ELAVL4: variants seen among roughly 807,000 people sequenced by gnomAD.
The protein encoded by ELAVL4 is ELAV like RNA binding protein 4.
Under a neutral mutation model 35.6 loss-of-function variants are expected in ELAVL4, and 1 was observed. The ratio of observed to expected loss-of-function variants is 0.03; its 90% CI spans 0.01 to 0.13. ELAVL4 has a LOEUF of 0.13. Ranked by LOEUF, ELAVL4 falls within the 10% of genes least tolerant of loss-of-function variation. The pLI, the probability that ELAVL4 is intolerant of heterozygous loss-of-function variation, is 1.00. For synonymous variants in ELAVL4, 156 were observed against 171.0 expected, an observed-to-expected ratio of 0.91 and a Z score of 0.69; for missense variants, 267 against 464.9, an observed-to-expected ratio of 0.57 and a Z score of 3.91.
intron 1 of ELAVL4, among the ~76,000 whole-genome samples, chr1:50,070,876 T>C (rs552700074): frequency 1.3e-5 from 2 of 152,226 alleles, no homozygotes; most frequent in East Asian, 3.9e-4. Flanking sequence ...GTGGAATAAA[T>C]AAGATCCAAA....
intron 1 of ELAVL4, among the ~76,000 whole-genome samples, chr1:50,136,812 G>A (rs1301509289): frequency 6.6e-6 from 1 of 152,096 alleles, no homozygotes; most frequent in Non-Finnish European, 1.5e-5. Context: ...GTGCAGTGAG[G>A]CTATATCTCC....
intron 2 of ELAVL4, among the ~76,000 whole-genome samples, chr1:50,167,183 G>T (rs944420564): frequency 3.3e-5 from 5 of 152,154 alleles, no homozygotes. Flanking sequence ...CACCTAGTTG[G>T]TTTTGTAATT....
At chr1:50,071,876 A>G (rs906393625) in intron 1 of ELAVL4, among the ~76,000 whole-genome samples, 2 of 152,144 alleles carry the variant, frequency 1.3e-5, no homozygotes, top group Admixed American at 6.5e-5. Flanking sequence ...TGTTGAGAGA[A>G]CATACGTGAT....
intron 1 of ELAVL4, among the ~76,000 whole-genome samples, chr1:50,056,036 A>G (rs985335397): frequency 6.6e-6 from 1 of 152,164 alleles, no homozygotes; most frequent in African/African-American, 2.4e-5. Flanking sequence ...CTCTGCTGCT[A>G]TTATAAAAGG....
At chr1:50,136,476 A>G (rs1671908077) in intron 1 of ELAVL4, among the ~76,000 whole-genome samples, 1 of 152,204 alleles carries the variant, frequency 6.6e-6, no homozygotes, top group Non-Finnish European at 1.5e-5. Context: ...TGCCCTTGGT[A>G]AACATTATTC....
intron 1 of ELAVL4, among the ~76,000 whole-genome samples, chr1:50,120,205 T>G (rs996191779): frequency 6.6e-6 from 1 of 151,712 alleles, no homozygotes; most frequent in African/African-American, 2.4e-5. Flanking sequence ...GCAGAGGAGG[T>G]ACAATGTACA....
intron 1 of ELAVL4, among the ~76,000 whole-genome samples, chr1:50,142,689 C>A (rs1292457261): frequency 5.3e-5 from 8 of 152,128 alleles, no homozygotes; most frequent in Admixed American, 3.3e-4. Flanking sequence ...TGGATACAGC[C>A]ACTTTGAAAT....
intron 3 of ELAVL4, among the ~76,000 whole-genome samples, chr1:50,189,578 A>G (rs1053633416): frequency 1.3e-5 from 2 of 152,184 alleles, no homozygotes; most frequent in Non-Finnish European, 1.5e-5. Context: ...GTGCCTCTAC[A>G]GGCATTCCCT....
In ELAVL4 at chr1:50,177,274, G is replaced by C. The variant is rs539437676; in HGVS notation, c.354+82G>C. 7.6e-6 allele frequency: 8 copies of C among 1,054,928 alleles called. No homozygotes were observed. The East Asian group carries it at 1.2e-4, about 16-fold the overall frequency. The allele number at this position is 1,054,928 out of a possible 1,614,324, so 65.3% of individuals were successfully genotyped here. On this transcript the variant is annotated intron_variant, in intron 3 of 6. Coordinates refer to ENST00000371824, the MANE Select transcript of ELAVL4 (RefSeq NM_001144774.3). ...TTGATCTGGTAAATCCAGGCTATGT[G>C]GGGGCTGGAAGCAGTGTTCTTGATT... is the stretch of plus-strand genomic sequence containing the variant.
At chr1:50,101,717 G>A (rs2148514137), upstream of ELAVL4, among the ~76,000 whole-genome samples, 1 of 151,948 alleles carries the variant, frequency 6.6e-6, no homozygotes, top group East Asian at 2.0e-4. Context: ...ACAAGGCTGG[G>A]CAAAATACTG....
At chr1:50,116,917 A>C (rs1668052943) in intron 1 of ELAVL4, among the ~76,000 whole-genome samples, 1 of 152,156 alleles carries the variant, frequency 6.6e-6, no homozygotes, top group African/African-American at 2.4e-5. Flanking sequence ...CAGATAGTAC[A>C]GTTCCCACAA....
intron 3 of ELAVL4, among the ~76,000 whole-genome samples, chr1:50,181,974 C>T (rs887458833): frequency 2.0e-5 from 3 of 152,308 alleles, no homozygotes; most frequent in South Asian, 2.1e-4. Flanking sequence ...TGAGCCACCG[C>T]GCCCGGCTAG....
intron 1 of ELAVL4, among the ~76,000 whole-genome samples, chr1:50,058,777 AT>A (rs926789395): frequency 2.0e-5 from 3 of 150,246 alleles, no homozygotes; most frequent in African/African-American, 4.9e-5. Flanking sequence ...CCATGCTTGT[AT>A]TTTTTTTTAG....
intron 1 of ELAVL4, 40 bp downstream of exon 1, chr1:50,109,238 T>A: frequency 6.2e-7 from 1 of 1,605,400 alleles, no homozygotes. Flanking sequence ...TTTGTGTTGC[T>A]GGAGGGAAGA....
intron 2 of ELAVL4, among the ~76,000 whole-genome samples, chr1:50,168,642 A>G (rs1419066362): frequency 1.3e-5 from 2 of 152,118 alleles, no homozygotes; most frequent in Non-Finnish European, 2.9e-5. Context: ...ATACAGTCAA[A>G]GGTATCATGT....
chr1:50,151,296 ATAAT>A (rs1674741863), intron 2 of ELAVL4, among the ~76,000 whole-genome samples: 1 of 152,234 alleles, frequency 6.6e-6, no homozygotes. Context: ...CCGGGAAAAC[ATAAT>A]TAGAGCTCAG....
At chr1:50,137,476 C>T (rs542456225) in intron 1 of ELAVL4, among the ~76,000 whole-genome samples, 6 of 151,210 alleles carry the variant, frequency 4.0e-5, no homozygotes, top group African/African-American at 1.5e-4. Context: ...GAGTTCAAGT[C>T]CAGCTGGGGC....
intron 2 of ELAVL4, among the ~76,000 whole-genome samples, chr1:50,165,439 TATAG>T (rs1234010233): frequency 2.1e-5 from 3 of 139,546 alleles, no homozygotes; most frequent in African/African-American, 5.8e-5. Flanking sequence ...TATATATATA[TATAG>T]ATATAGATAT....
chr1:50,189,367 C>A (rs1008234962), intron 3 of ELAVL4, among the ~76,000 whole-genome samples: 1 of 152,192 alleles, frequency 6.6e-6, no homozygotes, highest in African/African-American at 2.4e-5. Context: ...GTCCTGATGC[C>A]CCATCTGTGA....
Sources: allele counts gnomAD v4.1 joint callset (sites outside exome capture counted in the v4.1 genomes callset), GRCh38; gene constraint gnomAD v4.1.1; transcripts MANE v1.5; gene names NCBI Gene and HGNC (gene_info 2026-07-23, HGNC 2026-07-21).